The following DNAH12 variants were observed in gnomAD, a reference collection of about 807,000 sequenced individuals.
The protein encoded by DNAH12 is axonemal beta dynein heavy chain 12.
In DNAH12, 285 loss-of-function variants were observed where a neutral mutation model predicts 371.5. That is an observed-to-expected ratio of 0.77 (90% CI 0.70 to 0.85). The LOEUF (loss-of-function observed/expected upper bound fraction) is 0.85. Among genes scored for constraint, DNAH12 ranks in the 40% least tolerant of loss-of-function variants. The pLI, the probability that DNAH12 is intolerant of heterozygous loss-of-function variation, is 0.00. For synonymous variants in DNAH12, 1,200 were observed against 1,213.0 expected, an observed-to-expected ratio of 0.99 and a Z score of 0.22; for missense variants, 3,611 against 3,689.4, an observed-to-expected ratio of 0.98 and a Z score of 0.55.
chr3:57,357,627 AGTAT>A (rs2062830293), intron 58 of DNAH12, among the ~76,000 whole-genome samples: 2 of 152,214 alleles, frequency 1.3e-5, no homozygotes, highest in African/African-American at 4.8e-5. Context: ...TTAGATTAAC[AGTAT>A]GATCAGCTAC....
intron 64 of DNAH12, 111 bp downstream of exon 64, chr3:57,322,896 C>T (rs1377768129): frequency 2.1e-6 from 3 of 1,426,362 alleles, no homozygotes; most frequent in East Asian, 2.5e-5. Flanking sequence ...CGCCACTGCA[C>T]TCCAGCCTGG....
chr3:57,348,751 T>C (rs868922588), intron 60 of DNAH12, among the ~76,000 whole-genome samples: 2 of 152,208 alleles, frequency 1.3e-5, no homozygotes, highest in African/African-American at 2.4e-5. Context: ...ACTATGTTCT[T>C]AGATTGAAAC....
At chr3:57,371,322 T>G (rs2063165247) in intron 55 of DNAH12, among the ~76,000 whole-genome samples, 1 of 152,178 alleles carries the variant, frequency 6.6e-6, no homozygotes, top group Non-Finnish European at 1.5e-5. Context: ...ATGTCTTCTT[T>G]TAACATCTTA....
At chr3:57,303,305 C>G (rs1014043583) in intron 69 of DNAH12, among the ~76,000 whole-genome samples, 2 of 143,314 alleles carry the variant, frequency 1.4e-5, no homozygotes, top group Non-Finnish European at 3.0e-5. Flanking sequence ...TGCCACTGCA[C>G]TCCAGCCTGG....
At chr3:57,494,003 C>G (rs2067221683) in intron 11 of DNAH12, among the ~76,000 whole-genome samples, 1 of 152,146 alleles carries the variant, frequency 6.6e-6, no homozygotes, top group Non-Finnish European at 1.5e-5. Context: ...GATGCTGAGG[C>G]AGGAGGATCA....
At chr3:57,472,470 G>A in intron 14 of DNAH12, 76 bp downstream of exon 14, 1 of 1,494,362 alleles carries the variant, frequency 6.7e-7, no homozygotes, top group Non-Finnish European at 9.0e-7. Context: ...AGATGGCCAG[G>A]AGATATGAAA....
At chr3:57,499,811 C>T (rs994238654) in intron 11 of DNAH12, among the ~76,000 whole-genome samples, 1 of 147,540 alleles carries the variant, frequency 6.8e-6, no homozygotes, top group Non-Finnish European at 1.5e-5. Flanking sequence ...GCACTCCAGC[C>T]TGGGCAAGAG....
chr3:57,388,558 T>C (rs1421572959), intron 45 of DNAH12, among the ~76,000 whole-genome samples: 2 of 54 alleles, frequency 0.037, no homozygotes, highest in Non-Finnish European at 0.077. Flanking sequence ...ATATATATTT[T>C]AAATCTAAAA....
chr3:57,382,467 G>A (rs2063412860), intron 49 of DNAH12, 74 bp from the exon 50 acceptor site: 1 of 151,014 alleles, frequency 6.6e-6, no homozygotes, highest in Non-Finnish European at 1.5e-5. Flanking sequence ...AAATTTTAAA[G>A]TAATGTTGGG....
At chr3:57,518,210 G>A (rs1273860536) in intron 4 of DNAH12, among the ~76,000 whole-genome samples, 2 of 151,440 alleles carry the variant, frequency 1.3e-5, no homozygotes, top group African/African-American at 2.4e-5. Context: ...TTTAGTGCTC[G>A]ATATCATAGT....
chr3:57,491,914 G>A (rs1274291702), intron 11 of DNAH12, among the ~76,000 whole-genome samples: 1 of 152,074 alleles, frequency 6.6e-6, no homozygotes, highest in Admixed American at 6.5e-5. Flanking sequence ...GCTGAGGTGG[G>A]AGGAACACTT....
rs2061648230 is a variant in DNAH12 at position 57,314,638 on chromosome 3, T to C, written c.10525-7A>G. On this transcript the variant is annotated splice_region_variant and splice_polypyrimidine_tract_variant and intron_variant, in intron 65 of 73. Transcript: ENST00000495027. ...ACAGTAACTTCTCCCAGGCCTTTAA[T>C]ATAAAAAGTACATAACAAGAAAAAA... 2.0e-6 allele frequency: 3 copies of C among 1,529,954 alleles called. No homozygotes were observed. Among genetic ancestry groups the C allele is most frequent in the Admixed American group, 2.3e-5 (1 of 43,912 alleles). 94.8% of individuals were successfully genotyped at this position (1,529,954 alleles called of 1,614,324 possible).
intron 37 of DNAH12, among the ~76,000 whole-genome samples, chr3:57,418,539 C>G (rs75138763): frequency 3.0e-5 from 3 of 100,904 alleles, no homozygotes; most frequent in African/African-American, 1.1e-4. Context: ...GACCCTGTCT[C>G]AAAAAAAAAA....
chr3:57,375,036 GT>G (rs1439469055), intron 55 of DNAH12, among the ~76,000 whole-genome samples: 2 of 152,032 alleles, frequency 1.3e-5, no homozygotes, highest in African/African-American at 4.8e-5. Context: ...GAATGGTATG[GT>G]TTTGTGTATT....
At chr3:57,435,061 A>G (rs2065075785) in intron 30 of DNAH12, among the ~76,000 whole-genome samples, 1 of 152,204 alleles carries the variant, frequency 6.6e-6, no homozygotes, top group Non-Finnish European at 1.5e-5. Context: ...GGGTCATTGT[A>G]TCACATTATT....
rs1330574178 is a variant in DNAH12, at chr3:57,328,933, C to A, written c.9979-5314G>T. ...ACACCAATAACAGACAAACAGAGAG[C>A]CAAATCATGAGTGAACTCCCATTCA... On this transcript the variant is annotated intron_variant, in intron 62 of 73. Coordinates refer to ENST00000495027, the MANE Select transcript of DNAH12 (RefSeq NM_001366028.2). Among the ~76,000 whole-genome samples the A allele has an allele frequency of 3.8e-5, 5 of 133,110 alleles. No individual in the cohort carries two copies. The East Asian group carries it at 1.1e-3, about 31-fold the overall frequency. The allele number at this position is 133,110 out of a possible 152,430, so 87.3% of individuals were successfully genotyped here.
At chr3:57,455,572 A>AAACAACAAC (rs71088077) in intron 22 of DNAH12, among the ~76,000 whole-genome samples, 5 of 150,614 alleles carry the variant, frequency 3.3e-5, no homozygotes, top group East Asian at 3.9e-4. Context: ...TCTGTCTCAA[A>AAACAACAAC]AACAACAACA....
intron 19 of DNAH12, among the ~76,000 whole-genome samples, chr3:57,460,523 G>T (rs971452456): frequency 6.6e-6 from 1 of 151,932 alleles, no homozygotes; most frequent in African/African-American, 2.4e-5. Context: ...AAATCTCTAC[G>T]ACAGCTTTTA....
chr3:57,419,453 T>C lies in DNAH12; in HGVS notation c.5628A>G (p.Lys1876=). 6.6e-7 allele frequency: 1 copy of C among 1,506,294 alleles called. No homozygotes were observed. The highest frequency in any genetic ancestry group is 1.4e-5 in the African/African-American group (1 of 70,484). 93.3% of individuals were successfully genotyped at this position (1,506,294 alleles called of 1,614,324 possible). ...ELIKNTNLGD[K]QIKIQDIIVP... is the part of the protein sequence containing the mutation. ...CTATGATATCTTGAATCTTGATTTGTTTATCTCCTAAATTAGTATTTTTAA... is the reference window on the plus strand; with the variant it reads ...CTATGATATCTTGAATCTTGATTTGCTTATCTCCTAAATTAGTATTTTTAA... The change falls in exon 37 of 74, where the codon AAA becomes AAG. Residue 1876 remains lysine, a synonymous_variant. Coordinates refer to ENST00000495027, the MANE Select transcript of DNAH12 (RefSeq NM_001366028.2).
Sources: gnomAD v4.1 joint callset for allele counts (sites outside exome capture counted in the v4.1 genomes callset) on GRCh38, gnomAD v4.1.1 for gene constraint, MANE v1.5 for transcripts, NCBI Gene and HGNC (gene_info 2026-07-23, HGNC 2026-07-21) for gene names.